Variants in RGS5 observed in about 807,000 individuals in gnomAD.
RGS5 encodes the protein regulator of G protein signaling 5, also known as regulator of G-protein signalling 5.
Under a neutral mutation model 18.9 loss-of-function variants are expected in RGS5, and 20 were observed. The ratio of observed to expected loss-of-function variants is 1.06; its 90% CI spans 0.74 to 1.54. RGS5 has a LOEUF of 1.54. RGS5 is among the 40% of genes most tolerant of loss of function. The probability of loss-of-function intolerance (pLI) is 0.00; values close to 1 mark genes in which losing one functional copy is unlikely to be tolerated. For missense variants in RGS5, 201 were observed against 211.8 expected (o/e 0.95, Z 0.32); for synonymous variants, 57 against 76.2 (o/e 0.75, Z 1.31).
intron 2 of RGS5, among the ~76,000 whole-genome samples, chr1:163,252,921 T>C (rs929962662): frequency 6.6e-6 from 1 of 152,132 alleles, no homozygotes; most frequent in African/African-American, 2.4e-5. Flanking sequence ...TCTGTAAAAA[T>C]GAAGAATCTG....
At chr1:163,288,433 A>G (rs1401892488) in intron 2 of RGS5, among the ~76,000 whole-genome samples, 1 of 152,214 alleles carries the variant, frequency 6.6e-6, no homozygotes, top group South Asian at 2.1e-4. Context: ...AGATTACCAA[A>G]CATGCCCCTA....
At chr1:163,159,930 CATGT>C (rs1192243488) in intron 3 of RGS5, among the ~76,000 whole-genome samples, 2 of 152,134 alleles carry the variant, frequency 1.3e-5, no homozygotes, top group African/African-American at 4.8e-5. Flanking sequence ...CACACAAGTG[CATGT>C]ATATTTTCCC....
At chr1:163,238,014 T>G (rs751556653) in intron 2 of RGS5, 14 of 154,580 alleles carry the variant, frequency 9.1e-5, no homozygotes, top group Non-Finnish European at 1.6e-4. Context: ...TTTTTAGATT[T>G]TAATGATATC....
At chr1:163,204,355 G>A (rs761506787), upstream of RGS5, among the ~76,000 whole-genome samples, 2 of 149,810 alleles carry the variant, frequency 1.3e-5, no homozygotes, top group African/African-American at 2.5e-5. Context: ...AGACACACAC[G>A]TTTTTGAGAC....
intron 2 of RGS5, among the ~76,000 whole-genome samples, chr1:163,168,004 T>C (rs1444063610): frequency 6.6e-6 from 1 of 152,172 alleles, no homozygotes; most frequent in East Asian, 1.9e-4. Context: ...TATAAGTATG[T>C]CTGTCTCTCA....
chr1:163,306,405 T>C (rs969087415), intron 1 of RGS5: 2 of 152,180 alleles, frequency 1.3e-5, no homozygotes, highest in African/African-American at 4.8e-5. Flanking sequence ...AAATAAGTAA[T>C]TAGTACTCAG....
intron 2 of RGS5, among the ~76,000 whole-genome samples, chr1:163,281,652 G>A (rs2101719144): frequency 1.3e-5 from 2 of 152,110 alleles, no homozygotes; most frequent in Middle Eastern, 3.4e-3. Context: ...GATTTGCAGG[G>A]GGCACACAAC....
intron 1 of RGS5, among the ~76,000 whole-genome samples, chr1:163,313,710 T>C (rs1649935911): frequency 6.6e-6 from 1 of 152,172 alleles, no homozygotes; most frequent in African/African-American, 2.4e-5. Flanking sequence ...ATATCTTTTG[T>C]GTTGTACTGT....
chr1:163,229,140 C>T (rs937584803), intron 2 of RGS5, among the ~76,000 whole-genome samples: 1 of 152,170 alleles, frequency 6.6e-6, no homozygotes, highest in Non-Finnish European at 1.5e-5. Flanking sequence ...AGTCCATTCT[C>T]ATGCCACTAT....
chr1:163,173,970 G>A (rs974585835), intron 1 of RGS5, among the ~76,000 whole-genome samples: 13 of 152,068 alleles, frequency 8.5e-5, no homozygotes, highest in Admixed American at 2.6e-4. Flanking sequence ...CCAACTACTC[G>A]GGAGGCTGAG....
chr1:163,168,984 G>A (rs1409637100), intron 1 of RGS5, among the ~76,000 whole-genome samples: 1 of 151,542 alleles, frequency 6.6e-6, no homozygotes, highest in Non-Finnish European at 1.5e-5. Context: ...TTAGCATTAG[G>A]TATATCTCCC....
intron 1 of RGS5, among the ~76,000 whole-genome samples, chr1:163,214,579 C>T (rs1304789396): frequency 6.6e-6 from 1 of 152,110 alleles, no homozygotes; most frequent in South Asian, 2.1e-4. Context: ...GCTTCAGTCT[C>T]TCTTCAAGAA....
intron 1 of RGS5, 34 bp downstream of exon 1, chr1:163,202,758 T>C: frequency 6.2e-7 from 1 of 1,604,266 alleles, no homozygotes; most frequent in Non-Finnish European, 8.5e-7. Context: ...TCTCCATATC[T>C]GCATCTCTTA....
intron 1 of RGS5, among the ~76,000 whole-genome samples, chr1:163,208,621 TAAAG>T (rs754580366): frequency 2.0e-5 from 2 of 102,294 alleles, no homozygotes; most frequent in Admixed American, 1.0e-4. Context: ...AGATTAAAAA[TAAAG>T]AAATGGACAA....
intron 1 of RGS5, among the ~76,000 whole-genome samples, chr1:163,170,516 G>A (rs1451337774): frequency 6.6e-6 from 1 of 152,084 alleles, no homozygotes; most frequent in East Asian, 1.9e-4. Flanking sequence ...TCACAGGGAG[G>A]CTGTGATGAG....
At chr1:163,200,331 A>G (rs965460496) in intron 1 of RGS5, among the ~76,000 whole-genome samples, 1 of 152,202 alleles carries the variant, frequency 6.6e-6, no homozygotes, top group African/African-American at 2.4e-5. Flanking sequence ...CTTTTCATTT[A>G]AAGCAGATTT....
At chr1:163,196,272 T>C (rs1219049677) in intron 1 of RGS5, among the ~76,000 whole-genome samples, 2 of 152,188 alleles carry the variant, frequency 1.3e-5, no homozygotes, top group African/African-American at 4.8e-5. Flanking sequence ...TTCCTGTTAC[T>C]AATGACTGAT....
At chr1:163,251,880 C>T (rs1217409389) in intron 2 of RGS5, among the ~76,000 whole-genome samples, 2 of 152,000 alleles carry the variant, frequency 1.3e-5, no homozygotes, top group Admixed American at 6.6e-5. Context: ...ATGTATATAC[C>T]ACCATTTATT....
At chr1:163,182,158 TGGATA>T (rs994162114) in intron 1 of RGS5, among the ~76,000 whole-genome samples, 3 of 152,114 alleles carry the variant, frequency 2.0e-5, no homozygotes, top group Non-Finnish European at 2.9e-5. Context: ...AATGGATAAA[TGGATA>T]GGATAGGATA....
Sources: allele counts gnomAD v4.1 joint callset (sites outside exome capture counted in the v4.1 genomes callset), GRCh38; gene constraint gnomAD v4.1.1; transcripts MANE v1.5; gene names NCBI Gene and HGNC (gene_info 2026-07-23, HGNC 2026-07-21).